The following FHIT variants were observed in gnomAD, a reference collection of about 807,000 sequenced individuals.
The protein encoded by FHIT is fragile histidine triad diadenosine triphosphatase.
In FHIT, 19 loss-of-function variants were observed where a neutral mutation model predicts 17.9. The ratio of observed to expected loss-of-function variants is 1.06; its 90% CI spans 0.74 to 1.56. The LOEUF (loss-of-function observed/expected upper bound fraction) is 1.56, where lower values mean the gene tolerates loss of function less well. Among genes scored for constraint, FHIT ranks in the 40% most tolerant of loss-of-function variants. The probability of loss-of-function intolerance (pLI) is 0.00; values close to 1 mark genes in which losing one functional copy is unlikely to be tolerated. For missense variants in FHIT, 248 were observed against 189.2 expected (o/e 1.31, Z -1.82); for synonymous variants, 81 against 69.7 (o/e 1.16, Z -0.81).
chr3:60,460,189 C>T (rs948704726), intron 5 of FHIT, among the ~76,000 whole-genome samples: 1 of 152,090 alleles, frequency 6.6e-6, no homozygotes, highest in Non-Finnish European at 1.5e-5. Flanking sequence ...ACTTACCTTT[C>T]GGGGGGCAAA....
chr3:60,668,923 T>C (rs1425778112), intron 4 of FHIT, among the ~76,000 whole-genome samples: 2 of 152,170 alleles, frequency 1.3e-5, no homozygotes, highest in African/African-American at 4.8e-5. Context: ...GAGTTGGTAG[T>C]TGTTCTTAGC....
At chr3:61,164,827 C>T (rs1446573088) in intron 2 of FHIT, among the ~76,000 whole-genome samples, 1 of 152,164 alleles carries the variant, frequency 6.6e-6, no homozygotes. Flanking sequence ...TCCCCAGTAT[C>T]AATTGTTGCC....
rs894997350 is a variant in FHIT at position 60,004,950 on chromosome 3, G to T, written c.279+6421C>A. On this transcript the variant is annotated intron_variant, in intron 7 of 9. Transcript: ENST00000492590. ...TCCTCACAACACTCCCAAGAGACAG[G>T]ATACTCTTAAGACCTCCATTTTCTA... is the stretch of plus-strand genomic sequence containing the variant. Among the ~76,000 whole-genome samples the T allele has an allele frequency of 2.6e-5, 4 of 152,266 alleles. No individual in the cohort carries two copies. The South Asian group carries it at 8.3e-4, about 32-fold the overall frequency.
chr3:60,292,169 A>G (rs543583417), intron 5 of FHIT, among the ~76,000 whole-genome samples: 56 of 152,294 alleles, frequency 3.7e-4, no homozygotes, highest in African/African-American at 1.3e-3. Context: ...GGAAATCACT[A>G]GCAATGAGAA....
chr3:61,054,993 C>T (rs986396412), intron 2 of FHIT, among the ~76,000 whole-genome samples: 3 of 152,202 alleles, frequency 2.0e-5, no homozygotes, highest in Non-Finnish European at 2.9e-5. Context: ...TCAAGGAGAA[C>T]CTTCCCTGCT....
chr3:60,394,988 C>A (rs564330966), intron 5 of FHIT, among the ~76,000 whole-genome samples: 1 of 152,258 alleles, frequency 6.6e-6, no homozygotes, highest in South Asian at 2.1e-4. Flanking sequence ...AAGATCACTG[C>A]ATGAATCTGA....
chr3:60,536,891 A>G lies in FHIT; in HGVS notation c.72T>C (p.Ala24=), dbSNP rs375737040. The G allele has an allele frequency of 1.7e-5, 28 of 1,612,176 alleles. No individual in the cohort carries two copies. The highest frequency in any genetic ancestry group is 2.0e-5 in the Non-Finnish European group (24 of 1,179,218). ...GTACCACAGGTTTCCTATTCACAAG[A>G]GCGAAGGACAGTTCTGTTTTGAGAA... The part of the protein sequence containing the change: ...VVFLKTELSF[A]LVNRKPVVPG... Residue 24 remains alanine (A), a synonymous_variant, in exon 5 of 10, where the codon GCT becomes GCC. Coordinates refer to ENST00000492590, the MANE Select transcript of FHIT (RefSeq NM_002012.4).
chr3:60,120,729 G>A (rs1057186101), intron 5 of FHIT, among the ~76,000 whole-genome samples: 5 of 152,184 alleles, frequency 3.3e-5, no homozygotes, highest in Admixed American at 3.3e-4. Flanking sequence ...CAAGTTTCAA[G>A]ACAGGTACTC....
intron 5 of FHIT, among the ~76,000 whole-genome samples, chr3:60,017,550 T>G (rs932946200): frequency 1.3e-5 from 2 of 152,246 alleles, no homozygotes; most frequent in African/African-American, 4.8e-5. Context: ...CATTGCTTGT[T>G]GGACAGTCTA....
chr3:61,191,488 G>T (rs1233356187), intron 2 of FHIT, among the ~76,000 whole-genome samples: 1 of 152,106 alleles, frequency 6.6e-6, no homozygotes, highest in Non-Finnish European at 1.5e-5. Flanking sequence ...TCAGCTTCCA[G>T]AATCACATAA....
rs547128991 is a variant in FHIT, at chr3:60,745,019, G to A, written c.-18+76900C>T. On this transcript the variant is annotated intron_variant, in intron 4 of 9. Transcript: ENST00000492590. ...TCCCAGCTTTTAGGGAGGCAGAGGCGGGAGGATAGCATGAGCCCAGGAGTT... is the reference window on the plus strand; with the variant it reads ...TCCCAGCTTTTAGGGAGGCAGAGGCAGGAGGATAGCATGAGCCCAGGAGTT... Among the ~76,000 whole-genome samples the A allele has an allele frequency of 2.0e-4, 30 of 152,204 alleles. No homozygotes were observed. The South Asian group carries it at 3.5e-3, about 18-fold the overall frequency.
At chr3:60,034,540 G>A (rs532036321) in intron 5 of FHIT, among the ~76,000 whole-genome samples, 8 of 152,282 alleles carry the variant, frequency 5.3e-5, no homozygotes, top group East Asian at 3.9e-4. Flanking sequence ...AGAAATGTCC[G>A]TGGTATATCT....
chr3:60,610,731 C>T (rs62249119), intron 4 of FHIT, among the ~76,000 whole-genome samples: 3,094 of 152,282 alleles, frequency 0.02, 53 homozygotes, highest in Non-Finnish European at 0.031. Context: ...TTTTAGATCG[C>T]TGCACATTTT....
At chr3:60,348,845 A>C (rs1297904369) in intron 5 of FHIT, among the ~76,000 whole-genome samples, 2 of 152,234 alleles carry the variant, frequency 1.3e-5, no homozygotes, top group African/African-American at 2.4e-5. Flanking sequence ...AGAACATGCC[A>C]GGGATAGCCT....
chr3:60,645,975 G>A (rs1476606517), intron 4 of FHIT, among the ~76,000 whole-genome samples: 1 of 152,080 alleles, frequency 6.6e-6, no homozygotes, highest in Non-Finnish European at 1.5e-5. Flanking sequence ...GTCTTCCAAC[G>A]CATTCCTCAC....
rs1699808273 is a variant in FHIT, at chr3:59,797,123, GGAAAACAGA to G, written c.349-44811_349-44803del. Reference sequence around the variant, plus strand: ...AAAGAGAAAAGTGTAAGACAGACAAGGAAAACAGAGAAGTTTTCCATGTTTAATATTATA... The same window carrying G: ...AAAGAGAAAAGTGTAAGACAGACAAGGAAGTTTTCCATGTTTAATATTATA... On this transcript the variant is annotated intron_variant, in intron 8 of 9. Transcript: ENST00000492590. Among the ~76,000 whole-genome samples, 3 of 122,190 alleles carry G rather than the reference GGAAAACAGA, an allele frequency of 2.5e-5. No homozygotes were observed. The South Asian group carries it at 9.8e-4, about 40-fold the overall frequency. The allele number at this position is 122,190 out of a possible 152,430, so 80.2% of individuals were successfully genotyped here. A position where few individuals can be genotyped will look rare whatever the true frequency, so the allele number is the denominator to read the frequency against.
At chr3:60,936,781 T>A (rs188134453) in intron 3 of FHIT, among the ~76,000 whole-genome samples, 1 of 152,316 alleles carries the variant, frequency 6.6e-6, no homozygotes. Flanking sequence ...AAATAAAATC[T>A]GTAAACTTTG....
chr3:60,050,118 T>C (rs1344056990), intron 5 of FHIT, among the ~76,000 whole-genome samples: 2 of 152,190 alleles, frequency 1.3e-5, no homozygotes, highest in Non-Finnish European at 2.9e-5. Context: ...AATTTTGAAT[T>C]CACATCTTTT....
chr3:59,885,651 C>T lies in FHIT; in HGVS notation c.348+36695G>A, dbSNP rs554146029. On this transcript the variant is annotated intron_variant, in intron 8 of 9. Coordinates refer to ENST00000492590, the MANE Select transcript of FHIT (RefSeq NM_002012.4). ...TTGCAAAGCTCTGCTACTTTGAATG[C>T]TGCTTTTTTTCAGTCCCTGAAATAC... Among the ~76,000 whole-genome samples the T allele has an allele frequency of 3.9e-5, 6 of 152,256 alleles. No individual in the cohort carries two copies. In the South Asian group the frequency reaches 6.2e-4, roughly 16 times the overall value.
Sources: gnomAD v4.1 joint callset for allele counts (sites outside exome capture counted in the v4.1 genomes callset) on GRCh38, gnomAD v4.1.1 for gene constraint, MANE v1.5 for transcripts, NCBI Gene and HGNC (gene_info 2026-07-23, HGNC 2026-07-21) for gene names.